Variants in KAZN observed in about 807,000 individuals in gnomAD.
The protein encoded by KAZN is kazrin.
KAZN carries 40 observed loss-of-function variants against 87.4 expected under a neutral mutation model. The observed-to-expected ratio is 0.46, with a 90% CI of 0.36 to 0.60. The LOEUF (loss-of-function observed/expected upper bound fraction) is 0.60, where lower values mean the gene tolerates loss of function less well. Ranked by LOEUF, KAZN falls within the 20% of genes least tolerant of loss-of-function variation. The probability of loss-of-function intolerance (pLI) is 0.00; values close to 1 mark genes in which losing one functional copy is unlikely to be tolerated. For missense variants in KAZN, 898 were observed against 1,073.9 expected (o/e 0.84, Z 2.29); for synonymous variants, 466 against 458.3 (o/e 1.02, Z -0.22).
chr1:14,104,725 A>G (rs560958075), intron 1 of KAZN, among the ~76,000 whole-genome samples: 2 of 152,240 alleles, frequency 1.3e-5, no homozygotes, highest in African/African-American at 4.8e-5. Flanking sequence ...GTTCCCATGA[A>G]TTTGTACCCT....
At chr1:15,080,079 C>A (rs1639925988) in intron 8 of KAZN, among the ~76,000 whole-genome samples, 1 of 152,154 alleles carries the variant, frequency 6.6e-6, no homozygotes, top group South Asian at 2.1e-4. Flanking sequence ...TCTCAATTCC[C>A]TGGCCCTTTG....
At chr1:14,394,105 T>C (rs1662688111) in intron 2 of KAZN, among the ~76,000 whole-genome samples, 2 of 152,186 alleles carry the variant, frequency 1.3e-5, no homozygotes, top group African/African-American at 4.8e-5. Context: ...AAGAACCTTT[T>C]TTATGGTGAG....
At chr1:14,480,586 CATATT>C (rs1297075500) in intron 2 of KAZN, among the ~76,000 whole-genome samples, 2 of 144,546 alleles carry the variant, frequency 1.4e-5, no homozygotes, top group Admixed American at 7.0e-5. Context: ...ACATAATATT[CATATT>C]ATATATTATA....
At chr1:14,167,180 T>C (rs550616699) in intron 1 of KAZN, among the ~76,000 whole-genome samples, 40 of 152,358 alleles carry the variant, frequency 2.6e-4, no homozygotes, top group African/African-American at 9.4e-4. Context: ...ATTATGCCCA[T>C]GTATTATCGT....
chr1:14,602,377 A>C (rs1056580041), intron 1 of KAZN, among the ~76,000 whole-genome samples: 3 of 152,180 alleles, frequency 2.0e-5, no homozygotes, highest in African/African-American at 7.2e-5. Context: ...GCTGGCGTAC[A>C]GTGCAGAGGG....
At chr1:14,045,066 G>C (rs1188331120) in intron 1 of KAZN, among the ~76,000 whole-genome samples, 2 of 152,162 alleles carry the variant, frequency 1.3e-5, no homozygotes, top group Non-Finnish European at 2.9e-5. Flanking sequence ...GGAGCCCCAA[G>C]GGGCCAGTTA....
chr1:14,403,224 G>T (rs1663567585), intron 2 of KAZN, among the ~76,000 whole-genome samples: 1 of 152,122 alleles, frequency 6.6e-6, no homozygotes, highest in Non-Finnish European at 1.5e-5. Context: ...GGGAGAATTA[G>T]CTTTGTATGT....
intron 1 of KAZN, among the ~76,000 whole-genome samples, chr1:14,839,122 C>T (rs146771201): frequency 5.6e-4 from 85 of 152,254 alleles, no homozygotes; most frequent in African/African-American, 1.8e-3. Context: ...CCTGCCACTT[C>T]GGAGCACTAA....
chr1:14,716,533 C>A (rs370964515), intron 1 of KAZN, among the ~76,000 whole-genome samples: 1 of 152,128 alleles, frequency 6.6e-6, no homozygotes, highest in Non-Finnish European at 1.5e-5. Context: ...TTGCAGTAAC[C>A]TCCCTGTCGG....
chr1:14,816,528 G>A (rs1040508005), intron 1 of KAZN, among the ~76,000 whole-genome samples: 8 of 152,090 alleles, frequency 5.3e-5, no homozygotes, highest in Non-Finnish European at 1.2e-4. Flanking sequence ...CCTCAACATG[G>A]CCGCGGACTT....
At chr1:15,109,981 ATGTT>A (rs1641458878) in intron 13 of KAZN, among the ~76,000 whole-genome samples, 4 of 128,870 alleles carry the variant, frequency 3.1e-5, no homozygotes, top group Non-Finnish European at 6.9e-5. Context: ...GTATGTTTGT[ATGTT>A]TATGTGGGTA....
intron 2 of KAZN, among the ~76,000 whole-genome samples, chr1:14,352,616 A>T (rs1242485353): frequency 6.6e-6 from 1 of 152,252 alleles, no homozygotes; most frequent in Non-Finnish European, 1.5e-5. Context: ...TCTTTCATCC[A>T]GTAATTCCTT....
intron 1 of KAZN, among the ~76,000 whole-genome samples, chr1:14,007,476 C>T (rs1640086261): frequency 6.6e-6 from 1 of 152,154 alleles, no homozygotes; most frequent in Non-Finnish European, 1.5e-5. Flanking sequence ...CAGATATGCA[C>T]ACCCAGCTGG....
At chr1:14,576,520 A>G (rs1261341822) in intron 2 of KAZN, among the ~76,000 whole-genome samples, 1 of 152,210 alleles carries the variant, frequency 6.6e-6, no homozygotes, top group Non-Finnish European at 1.5e-5. Flanking sequence ...TGAAAGGAAC[A>G]TGCTGAAAAG....
At chr1:14,630,290 T>C (rs564062105) in intron 1 of KAZN, among the ~76,000 whole-genome samples, 9 of 152,346 alleles carry the variant, frequency 5.9e-5, no homozygotes, top group African/African-American at 2.2e-4. Context: ...AGTTGTTTCC[T>C]GTCCCTTCTG....
intron 1 of KAZN, among the ~76,000 whole-genome samples, chr1:14,915,464 A>G (rs562676156): frequency 5.3e-5 from 8 of 152,250 alleles, no homozygotes; most frequent in South Asian, 4.1e-4. Context: ...GAAAATTGCA[A>G]TGGTGAACAT....
intron 2 of KAZN, among the ~76,000 whole-genome samples, chr1:14,486,834 T>C (rs1669375241): frequency 6.6e-6 from 1 of 152,224 alleles, no homozygotes; most frequent in Non-Finnish European, 1.5e-5. Context: ...CCAGGCATAA[T>C]ATTATACTTG....
chr1:14,619,231 T>TTTAAGA (rs1195707892), intron 1 of KAZN, among the ~76,000 whole-genome samples: 1 of 151,822 alleles, frequency 6.6e-6, no homozygotes, highest in East Asian at 1.9e-4. Flanking sequence ...AAAATTTTAC[T>TTTAAGA]CTCTTGCCTG....
At chr1:14,975,729 G>A (rs1665526787) in intron 2 of KAZN, among the ~76,000 whole-genome samples, 1 of 152,112 alleles carries the variant, frequency 6.6e-6, no homozygotes, top group Admixed American at 6.6e-5. Context: ...ACTGGGAGGT[G>A]GAAATTAAAG....
Sources: allele counts gnomAD v4.1 joint callset (sites outside exome capture counted in the v4.1 genomes callset), GRCh38; gene constraint gnomAD v4.1.1; transcripts MANE v1.5; gene names NCBI Gene and HGNC (gene_info 2026-07-23, HGNC 2026-07-21).